Variants in CEP126 observed in about 807,000 individuals in gnomAD.
The protein encoded by CEP126 is centrosomal protein 126.
CEP126 carries 74 observed loss-of-function variants against 107.8 expected under a neutral mutation model. That is an observed-to-expected ratio of 0.69 (90% CI 0.57 to 0.83). The LOEUF (loss-of-function observed/expected upper bound fraction) is 0.83, where lower values mean the gene tolerates loss of function less well. CEP126 is among the 40% of genes least tolerant of loss of function. The probability of loss-of-function intolerance (pLI) is 0.00; values close to 1 mark genes in which losing one functional copy is unlikely to be tolerated. For synonymous variants in CEP126, 449 were observed against 446.0 expected (o/e 1.01, Z -0.08); for missense variants, 1,237 against 1,281.9 (o/e 0.96, Z 0.53).
intron 6 of CEP126, among the ~76,000 whole-genome samples, chr11:101,965,004 G>A (rs1029200398): frequency 2.6e-5 from 4 of 152,166 alleles, no homozygotes. Context: ...TTCCCAAAGT[G>A]TGGTAGCTCT....
rs189796603 is a variant in CEP126 at position 101,958,995 on chromosome 11, C to T, written c.705+629C>T. ...ACTGCTTGTAGACATGGGTCAGAGG[C>T]AGTGCAGGATGTGATCTTGAAAAGG... On this transcript the variant is annotated intron_variant, in intron 5 of 10. Coordinates refer to ENST00000263468, the MANE Select transcript of CEP126 (RefSeq NM_020802.4). Among the ~76,000 whole-genome samples the T allele has an allele frequency of 3.5e-3, 535 of 152,174 alleles. 1 individual carries two copies. The highest frequency in any genetic ancestry group is 5.8e-3 in the Admixed American group (88 of 15,278).
At chr11:101,939,741 A>G (rs1221801979) in intron 2 of CEP126, among the ~76,000 whole-genome samples, 1 of 152,212 alleles carries the variant, frequency 6.6e-6, no homozygotes, top group Non-Finnish European at 1.5e-5. Context: ...GATAACTCAG[A>G]TATGAGATAT....
chr11:101,997,061 G>A (rs1045710484), intron 10 of CEP126, among the ~76,000 whole-genome samples: 4 of 151,996 alleles, frequency 2.6e-5, no homozygotes, highest in Non-Finnish European at 4.4e-5. Context: ...TTTTTGAGAC[G>A]GAGTCTTGCT....
intron 8 of CEP126, among the ~76,000 whole-genome samples, chr11:101,983,618 G>A (rs1251530447): frequency 2.0e-5 from 3 of 152,208 alleles, no homozygotes; most frequent in African/African-American, 7.2e-5. Flanking sequence ...TTACAAAGCA[G>A]CAGAGAAATT....
chr11:101,986,611 G>T (rs1010256), intron 8 of CEP126, among the ~76,000 whole-genome samples: 1,687 of 152,074 alleles, frequency 0.011, 35 homozygotes, highest in African/African-American at 0.039. Context: ...TTAACTCACT[G>T]CCGTCATTTT....
chr11:101,962,932 T>G lies in CEP126; in HGVS notation c.1897T>G (p.Phe633Val). 1 of 1,609,884 alleles carries G rather than the reference T, an allele frequency of 6.2e-7. No homozygotes were observed. Among genetic ancestry groups the G allele is most frequent in the Non-Finnish European group, 8.5e-7 (1 of 1,179,038 alleles). ...IPKTIKKLRW[F>V]DETSNIENNA... Reference sequence around the variant, plus strand: ...AAAGACCATTAAAAAACTGAGGTGGTTTGATGAAACTAGCAATATAGAAAA... The same window carrying G: ...AAAGACCATTAAAAAACTGAGGTGGGTTGATGAAACTAGCAATATAGAAAA... The change falls in exon 6 of 11, where the codon TTT (phenylalanine) becomes GTT (valine). Residue 633 changes from phenylalanine to valine, a missense_variant. By Grantham distance (50) the Phe-to-Val change is conservative. Transcript: ENST00000263468.
rs1281379763 is a variant in CEP126, at chr11:101,921,783, T to C, written c.129-858T>C. On this transcript the variant is annotated intron_variant, in intron 1 of 10. Transcript: ENST00000263468. Reference sequence around the variant, plus strand: ...TATCTGAAGTTCATGATTTCTTTTTTTTTTTTTTTTTTTTTTTTTGAGATG... The same window carrying C: ...TATCTGAAGTTCATGATTTCTTTTTCTTTTTTTTTTTTTTTTTTTGAGATG... Among the ~76,000 whole-genome samples, 10 of 130,536 alleles carry C rather than the reference T, an allele frequency of 7.7e-5. No homozygotes were observed. The South Asian group carries it at 2.7e-3, about 35-fold the overall frequency. The allele number at this position is 130,536 out of a possible 152,430, so 85.6% of individuals were successfully genotyped here.
intron 6 of CEP126, among the ~76,000 whole-genome samples, chr11:101,968,795 A>G (rs2137117567): frequency 6.6e-6 from 1 of 152,338 alleles, no homozygotes; most frequent in Non-Finnish European, 1.5e-5. Flanking sequence ...TAGGAAAATG[A>G]CACTAACAGA....
At chr11:101,997,257 C>T (rs866626881) in intron 10 of CEP126, among the ~76,000 whole-genome samples, 5 of 152,272 alleles carry the variant, frequency 3.3e-5, no homozygotes, top group African/African-American at 9.6e-5. Flanking sequence ...AGGCAGGTCT[C>T]GAACTCCCGA....
At position 101,995,498 on chromosome 11, in the gene CEP126, AC is replaced by A. The variant is rs149656286; in HGVS notation, c.3310-2100del. 8.8e-3 allele frequency among the ~76,000 whole-genome samples: 1,341 copies of A among 152,272 alleles called. 5 individuals carry two copies. The highest frequency in any genetic ancestry group is 0.025 in the South Asian group (120 of 4,822). Reference sequence around the variant, plus strand: ...TCAAATGGGAAGCGAAGGATGAGAAACACTGGTCTAGAAACAGTGATGACAA... The same window carrying A: ...TCAAATGGGAAGCGAAGGATGAGAAAACTGGTCTAGAAACAGTGATGACAA... On this transcript the variant is annotated intron_variant, in intron 10 of 10. Transcript: ENST00000263468.
intron 10 of CEP126, among the ~76,000 whole-genome samples, chr11:101,996,160 GCA>G (rs1391096789): frequency 2.0e-5 from 3 of 152,226 alleles, no homozygotes; most frequent in African/African-American, 7.2e-5. Flanking sequence ...CGACCACCAG[GCA>G]CTGGGCTGCA....
At chr11:101,988,412 G>A (rs978530970) in intron 9 of CEP126, among the ~76,000 whole-genome samples, 1 of 152,020 alleles carries the variant, frequency 6.6e-6, no homozygotes, top group African/African-American at 2.4e-5. Flanking sequence ...GAGCTTAAAA[G>A]ACACAAAAGA....
intron 6 of CEP126, among the ~76,000 whole-genome samples, chr11:101,968,775 A>G (rs1020369408): frequency 6.6e-6 from 1 of 152,180 alleles, no homozygotes; most frequent in African/African-American, 2.4e-5. Flanking sequence ...GTCAATTGAG[A>G]GAAATTTTGT....
intron 6 of CEP126, among the ~76,000 whole-genome samples, chr11:101,969,732 T>C (rs1237300246): frequency 6.6e-6 from 1 of 152,188 alleles, no homozygotes; most frequent in African/African-American, 2.4e-5. Flanking sequence ...AAGTAATTAT[T>C]ACAATATGGC....
At chr11:101,956,217 C>G (rs1444332846) in intron 4 of CEP126, 3 of 456,394 alleles carry the variant, frequency 6.6e-6, no homozygotes, top group East Asian at 6.9e-5. Flanking sequence ...CAGCATTCTA[C>G]TGCAGCCACT....
At chr11:101,926,983 A>G (rs1940421551) in intron 2 of CEP126, among the ~76,000 whole-genome samples, 1 of 152,078 alleles carries the variant, frequency 6.6e-6, no homozygotes, top group South Asian at 2.1e-4. Flanking sequence ...AGGATTATCT[A>G]TCTTCTTGTA....
intron 5 of CEP126, among the ~76,000 whole-genome samples, chr11:101,960,189 C>A (rs1351292234): frequency 1.3e-5 from 2 of 151,570 alleles, no homozygotes; most frequent in African/African-American, 2.4e-5. Context: ...AACTTATAAG[C>A]AAAACTTGAA....
At chr11:101,922,290 A>C (rs935079578) in intron 1 of CEP126, among the ~76,000 whole-genome samples, 1 of 150,528 alleles carries the variant, frequency 6.6e-6, no homozygotes, top group African/African-American at 2.5e-5. Context: ...TCAGCCTCCC[A>C]AGTAGCTGGG....
chr11:101,958,586 A>T (rs1940931366), intron 5 of CEP126, among the ~76,000 whole-genome samples: 1 of 152,168 alleles, frequency 6.6e-6, no homozygotes, highest in South Asian at 2.1e-4. Flanking sequence ...ATTGTTAGAG[A>T]TTGTATTATA....
Sources: allele counts gnomAD v4.1 joint callset (sites outside exome capture counted in the v4.1 genomes callset), GRCh38; gene constraint gnomAD v4.1.1; transcripts MANE v1.5; gene names NCBI Gene and HGNC (gene_info 2026-07-23, HGNC 2026-07-21).